MED12L: variants seen among roughly 807,000 people sequenced by gnomAD.
MED12L encodes mediator complex subunit 12L.
A neutral mutation model predicts 281.3 loss-of-function variants in MED12L; 60 were observed. The ratio of observed to expected loss-of-function variants is 0.21; its 90% CI spans 0.17 to 0.26. MED12L has a LOEUF of 0.26. Ranked by LOEUF, MED12L falls within the 10% of genes least tolerant of loss-of-function variation. The pLI is 1.00. For synonymous variants in MED12L, 974 were observed against 987.2 expected, an observed-to-expected ratio of 0.99 and a Z score of 0.25; for missense variants, 2,146 against 2,680.9, an observed-to-expected ratio of 0.80 and a Z score of 4.41.
chr3:151,424,189 AT>A (rs952404235), intron 43 of MED12L, among the ~76,000 whole-genome samples: 7 of 152,304 alleles, frequency 4.6e-5, no homozygotes, highest in African/African-American at 9.6e-5. Flanking sequence ...GAATTTGGAA[AT>A]TTTTTTTTTC....
chr3:151,302,933 A>G (rs1746138529), intron 16 of MED12L, among the ~76,000 whole-genome samples: 1 of 152,208 alleles, frequency 6.6e-6, no homozygotes, highest in South Asian at 2.1e-4. Flanking sequence ...TGCTGTGAAG[A>G]TACAGAGGTG....
At position 151,378,189 on chromosome 3, in the gene MED12L, G is replaced by A. The variant is rs780796528; in HGVS notation, c.4478+16G>A. 2 of 1,587,276 alleles carry A rather than the reference G, an allele frequency of 1.3e-6. No individual in the cohort carries two copies. Among genetic ancestry groups the A allele is most frequent in the Non-Finnish European group, 1.7e-6 (2 of 1,164,524 alleles). On this transcript the variant is annotated intron_variant, in intron 31 of 44. Coordinates refer to ENST00000687756, the MANE Select transcript of MED12L (RefSeq NM_001393769.1). Reference sequence around the variant, plus strand: ...AACAGAAAAGGTGTGGCTGGAAGATGGGCGTCTGTGTGAGAGTTTAAAGAA... The same window carrying A: ...AACAGAAAAGGTGTGGCTGGAAGATAGGCGTCTGTGTGAGAGTTTAAAGAA...
intron 5 of MED12L, among the ~76,000 whole-genome samples, chr3:151,154,586 C>G (rs1013188475): frequency 1.3e-4 from 20 of 152,192 alleles, no homozygotes; most frequent in Admixed American, 9.8e-4. Context: ...ATTTTTAGCT[C>G]CTGAGGCTAA....
At chr3:151,339,760 A>G (rs1560048578) in intron 16 of MED12L, among the ~76,000 whole-genome samples, 1 of 147,166 alleles carries the variant, frequency 6.8e-6, no homozygotes, top group Non-Finnish European at 1.5e-5. Context: ...AAAATAAAAT[A>G]TAGGTTATTA....
chr3:151,096,157 G>A (rs532869553), intron 2 of MED12L, among the ~76,000 whole-genome samples: 2 of 152,272 alleles, frequency 1.3e-5, no homozygotes, highest in South Asian at 4.1e-4. Context: ...AAGACAACAT[G>A]AGGAGTCAGT....
chr3:151,240,030 T>C (rs1434031578), intron 16 of MED12L, among the ~76,000 whole-genome samples: 4 of 81,274 alleles, frequency 4.9e-5, no homozygotes, highest in Middle Eastern at 5.6e-3. Flanking sequence ...CTGATGTCTT[T>C]CTCCCACCTT....
chr3:151,190,690 T>G (rs1398847798), intron 13 of MED12L, 27 bp from the exon 14 acceptor site: 3 of 1,605,660 alleles, frequency 1.9e-6, no homozygotes, highest in Non-Finnish European at 2.6e-6. Context: ...GCTCAAGGAA[T>G]TCTTGATTGA....
At chr3:151,271,927 A>G (rs1741026913) in intron 16 of MED12L, among the ~76,000 whole-genome samples, 1 of 152,204 alleles carries the variant, frequency 6.6e-6, no homozygotes, top group South Asian at 2.1e-4. Context: ...TGGGGTGGTG[A>G]TTATATGGTG....
intron 16 of MED12L, among the ~76,000 whole-genome samples, chr3:151,204,565 C>A (rs763710914): frequency 3.3e-5 from 5 of 152,168 alleles, no homozygotes; most frequent in South Asian, 4.1e-4. Flanking sequence ...AGGAAAGGAT[C>A]TTTCTTTTAA....
intron 16 of MED12L, among the ~76,000 whole-genome samples, chr3:151,308,112 G>A (rs1746961312): frequency 6.6e-6 from 1 of 152,106 alleles, no homozygotes; most frequent in Non-Finnish European, 1.5e-5. Context: ...TAATGTAAAG[G>A]TGTAATTCAT....
intron 8 of MED12L, among the ~76,000 whole-genome samples, chr3:151,162,630 G>C (rs1418950472): frequency 2.0e-5 from 3 of 152,012 alleles, no homozygotes; most frequent in Non-Finnish European, 4.4e-5. Flanking sequence ...TTAGAGATGG[G>C]GTTTCACTGT....
chr3:151,242,433 C>T (rs1368879054), intron 16 of MED12L, among the ~76,000 whole-genome samples: 9 of 151,226 alleles, frequency 6.0e-5, no homozygotes, highest in Non-Finnish European at 1.2e-4. Context: ...ATCTGAGAAC[C>T]GGCAGACTGC....
intron 2 of MED12L, among the ~76,000 whole-genome samples, chr3:151,090,491 G>T (rs192805341): frequency 1.2e-3 from 178 of 152,242 alleles, no homozygotes; most frequent in African/African-American, 3.9e-3. Context: ...GTCTGTTTTG[G>T]TATGGCAGAA....
chr3:151,086,602 C>T, intron 1 of MED12L, 196 bp from the exon 2 acceptor site: 2 of 210,230 alleles, frequency 9.5e-6, no homozygotes, highest in Non-Finnish European at 1.9e-5. Flanking sequence ...CCCCTGGAGA[C>T]AAGGTAGGGG....
Position 151,165,577 on chromosome 3 carries a change from T to A in MED12L, c.1357+58T>A, listed in dbSNP as rs1720614934. 9 of 1,438,914 alleles carry A rather than the reference T, an allele frequency of 6.3e-6. No individual in the cohort carries two copies. The East Asian group carries it at 1.8e-4, about 29-fold the overall frequency. 89.1% of individuals were successfully genotyped at this position (1,438,914 alleles called of 1,614,324 possible). On this transcript the variant is annotated intron_variant, in intron 10 of 44. Transcript: ENST00000687756. ...GAATGTTGGACTTTATGCTGTGTTTTTGCTTCTTATAAACCATTCCACATG... is the reference window on the plus strand; with the variant it reads ...GAATGTTGGACTTTATGCTGTGTTTATGCTTCTTATAAACCATTCCACATG...
intron 6 of MED12L, among the ~76,000 whole-genome samples, chr3:151,158,083 G>A (rs1038156896): frequency 6.6e-6 from 1 of 152,104 alleles, no homozygotes; most frequent in South Asian, 2.1e-4. Context: ...TCACCCCCGT[G>A]GGGCATTTTT....
intron 11 of MED12L, among the ~76,000 whole-genome samples, chr3:151,183,450 A>G (rs1182188194): frequency 6.6e-6 from 1 of 152,232 alleles, no homozygotes; most frequent in Admixed American, 6.5e-5. Context: ...GCCTTTTCAG[A>G]ATCGTGTGTG....
rs932378468 is a variant in MED12L at position 151,432,420 on chromosome 3, G to C, written c.6491-332G>C. On this transcript the variant is annotated intron_variant, in intron 44 of 44. Transcript: ENST00000687756. ...AATTGCTGACTTTCATAAGCATTTT[G>C]AGAACTTTCAATGTTTTATGAAACT... is the stretch of plus-strand genomic sequence containing the variant. Among the ~76,000 whole-genome samples, 8 of 152,176 alleles carry C rather than the reference G, an allele frequency of 5.3e-5. 1 individual carries two copies. Among genetic ancestry groups the C allele is most frequent in the African/African-American group, 1.4e-4 (6 of 41,436 alleles).
At chr3:151,128,618 T>C (rs1714899788) in intron 5 of MED12L, among the ~76,000 whole-genome samples, 1 of 152,206 alleles carries the variant, frequency 6.6e-6, no homozygotes, top group African/African-American at 2.4e-5. Context: ...TTCTCTGGAA[T>C]ATTTGCATGC....
Sources: allele counts gnomAD v4.1 joint callset (sites outside exome capture counted in the v4.1 genomes callset), GRCh38; gene constraint gnomAD v4.1.1; transcripts MANE v1.5; gene names NCBI Gene and HGNC (gene_info 2026-07-23, HGNC 2026-07-21).